C8A: variants seen among roughly 807,000 people sequenced by gnomAD.
The protein encoded by C8A is complement component C8 alpha chain.
A neutral mutation model predicts 65.3 loss-of-function variants in C8A; 67 were observed. The observed-to-expected ratio is 1.03, with a 90% CI of 0.84 to 1.26. The LOEUF (loss-of-function observed/expected upper bound fraction) is 1.26. C8A is among the 50% of genes most tolerant of loss of function. The pLI is 0.00. For missense variants in C8A, 781 were observed against 723.9 expected (o/e 1.08, Z -0.90); for synonymous variants, 290 against 259.4 (o/e 1.12, Z -1.13).
intron 10 of C8A, among the ~76,000 whole-genome samples, chr1:56,913,945 G>A (rs192866221): frequency 3.9e-5 from 6 of 152,300 alleles, no homozygotes; most frequent in Admixed American, 2.6e-4. Context: ...AGTGAAAGAC[G>A]GGTTAACAAA....
intron 2 of C8A, among the ~76,000 whole-genome samples, chr1:56,869,712 A>T (rs1644124881): frequency 1.3e-5 from 2 of 152,134 alleles, no homozygotes; most frequent in Non-Finnish European, 2.9e-5. Context: ...CCATTCTTTC[A>T]GGAGTAAGGT....
chr1:56,868,671 A>G (rs1258190356), intron 2 of C8A, among the ~76,000 whole-genome samples: 1 of 152,088 alleles, frequency 6.6e-6, no homozygotes, highest in Non-Finnish European at 1.5e-5. Context: ...CTGTTTTATT[A>G]TTGTTTTAAA....
intron 4 of C8A, among the ~76,000 whole-genome samples, chr1:56,879,776 GGAGA>G (rs1644232567): frequency 6.6e-6 from 1 of 152,100 alleles, no homozygotes; most frequent in African/African-American, 2.4e-5. Flanking sequence ...AGAAAGAGAA[GGAGA>G]AAGAAAGAGA....
intron 10 of C8A, among the ~76,000 whole-genome samples, chr1:56,916,721 T>A (rs1469379825): frequency 1.3e-5 from 2 of 152,156 alleles, no homozygotes; most frequent in Non-Finnish European, 2.9e-5. Flanking sequence ...AATGAAATTG[T>A]GATGAAAAAA....
chr1:56,886,319 G>T (rs1339271362), intron 7 of C8A, 152 bp downstream of exon 7: 1 of 911,208 alleles, frequency 1.1e-6, no homozygotes, highest in African/African-American at 1.7e-5. Flanking sequence ...TTACTCCCAA[G>T]GAACTGAGAT....
At chr1:56,893,011 C>T (rs1283469556) in intron 7 of C8A, among the ~76,000 whole-genome samples, 4 of 152,070 alleles carry the variant, frequency 2.6e-5, no homozygotes, top group South Asian at 4.2e-4. Flanking sequence ...CAAAAACAGC[C>T]GTAGCCATTC....
chr1:56,906,029 A>T (rs1272402657), intron 7 of C8A, among the ~76,000 whole-genome samples: 1 of 152,160 alleles, frequency 6.6e-6, no homozygotes, highest in African/African-American at 2.4e-5. Context: ...GTCTTTACGG[A>T]GTCTGAAGGG....
At chr1:56,913,797 C>T (rs948563104) in intron 10 of C8A, among the ~76,000 whole-genome samples, 5 of 152,166 alleles carry the variant, frequency 3.3e-5, no homozygotes, top group Middle Eastern at 3.2e-3. Context: ...CAAGGTATTA[C>T]AATTGACTCC....
chr1:56,880,162 C>T (rs187761692), intron 4 of C8A, among the ~76,000 whole-genome samples: 7 of 152,246 alleles, frequency 4.6e-5, no homozygotes, highest in African/African-American at 1.7e-4. Flanking sequence ...GCCAACTCTA[C>T]AGTTTTTGTT....
At chr1:56,874,030 A>T (rs1022001283) in intron 2 of C8A, among the ~76,000 whole-genome samples, 3 of 152,162 alleles carry the variant, frequency 2.0e-5, no homozygotes, top group African/African-American at 7.2e-5. Context: ...CTGCAGTCAA[A>T]GGTGGACCCA....
At chr1:56,906,536 A>G (rs1644465118) in intron 7 of C8A, 131 bp from the exon 8 acceptor site, 5 of 970,952 alleles carry the variant, frequency 5.1e-6, no homozygotes, top group Non-Finnish European at 8.2e-6. Context: ...TGGATTAAAG[A>G]ACCGGGCTTT....
intron 1 of C8A, among the ~76,000 whole-genome samples, chr1:56,858,010 A>C (rs1272662296): frequency 6.6e-6 from 1 of 152,064 alleles, no homozygotes; most frequent in African/African-American, 2.4e-5. Flanking sequence ...GCAATGTTTA[A>C]TCTGCTGTTA....
intron 7 of C8A, among the ~76,000 whole-genome samples, chr1:56,903,500 A>G (rs608567): frequency 0.77 from 117,839 of 152,220 alleles, 46,212 homozygotes; most frequent in East Asian, 1. Flanking sequence ...TATTAGCAGC[A>G]TGAGAATGGA....
intron 2 of C8A, among the ~76,000 whole-genome samples, chr1:56,870,774 A>C (rs1644139085): frequency 6.6e-6 from 1 of 152,186 alleles, no homozygotes; most frequent in African/African-American, 2.4e-5. Flanking sequence ...TGACTCAAAA[A>C]CACGTGCGTT....
intron 7 of C8A, among the ~76,000 whole-genome samples, chr1:56,898,455 C>T (rs115602361): frequency 1.3e-3 from 198 of 152,202 alleles, no homozygotes; most frequent in African/African-American, 4.7e-3. Flanking sequence ...CTGGACTTAC[C>T]ATACTCTTTC....
intron 5 of C8A, among the ~76,000 whole-genome samples, chr1:56,882,061 A>T (rs856842): frequency 0.057 from 8,598 of 152,134 alleles, 748 homozygotes; most frequent in African/African-American, 0.19. Flanking sequence ...CTTTTGTTTC[A>T]CCAAAGGCAG....
chr1:56,897,720 T>C (rs1328068484), intron 7 of C8A, among the ~76,000 whole-genome samples: 2 of 152,138 alleles, frequency 1.3e-5, no homozygotes, highest in East Asian at 3.9e-4. Flanking sequence ...AGATTCTGAG[T>C]AGAGCATTTA....
intron 9 of C8A, among the ~76,000 whole-genome samples, chr1:56,911,335 C>T (rs1205469365): frequency 1.3e-5 from 2 of 152,194 alleles, no homozygotes; most frequent in South Asian, 4.1e-4. Flanking sequence ...CCTTAATCCT[C>T]ACAATAATCC....
chr1:56,870,259 C>T (rs1414328459), intron 2 of C8A, among the ~76,000 whole-genome samples: 2 of 152,066 alleles, frequency 1.3e-5, no homozygotes, highest in African/African-American at 2.4e-5. Flanking sequence ...CTAGAAGGGA[C>T]TCTGTTACTA....
Sources: allele counts gnomAD v4.1 joint callset (sites outside exome capture counted in the v4.1 genomes callset), GRCh38; gene constraint gnomAD v4.1.1; transcripts MANE v1.5; gene names NCBI Gene and HGNC (gene_info 2026-07-23, HGNC 2026-07-21).